The following FARSB variants were observed in gnomAD, a reference collection of about 807,000 sequenced individuals.
FARSB encodes phenylalanine--tRNA ligase beta subunit.
Under a neutral mutation model 69.6 loss-of-function variants are expected in FARSB, and 40 were observed. The ratio of observed to expected loss-of-function variants is 0.57; its 90% CI spans 0.45 to 0.75. The LOEUF (loss-of-function observed/expected upper bound fraction) is 0.75, where lower values mean the gene tolerates loss of function less well. Among genes scored for constraint, FARSB ranks in the 30% least tolerant of loss-of-function variants. The pLI, the probability that FARSB is intolerant of heterozygous loss-of-function variation, is 0.00. For missense variants in FARSB, 632 were observed against 722.9 expected, an observed-to-expected ratio of 0.87 and a Z score of 1.44; for synonymous variants, 235 against 247.2, an observed-to-expected ratio of 0.95 and a Z score of 0.46.
At chr2:222,649,244 A>T (rs1691961683) in intron 1 of FARSB, among the ~76,000 whole-genome samples, 1 of 149,850 alleles carries the variant, frequency 6.7e-6, no homozygotes, top group African/African-American at 2.5e-5. Context: ...TAAAAAAAAA[A>T]AAAAAAAAAA....
At chr2:222,584,611 C>T (rs950447722) in intron 16 of FARSB, among the ~76,000 whole-genome samples, 6 of 152,310 alleles carry the variant, frequency 3.9e-5, no homozygotes, top group South Asian at 2.1e-4. Flanking sequence ...CCGTGACAGA[C>T]GGTACCTGGA....
chr2:222,624,630 T>C (rs1691220895), intron 11 of FARSB, 84 bp downstream of exon 11: 1 of 991,580 alleles, frequency 1.0e-6, no homozygotes, highest in Admixed American at 2.2e-5. Context: ...TTATCATTCC[T>C]TAACAGACTC....
chr2:222,597,753 ACTC>A (rs1690457132), intron 16 of FARSB, among the ~76,000 whole-genome samples: 1 of 151,678 alleles, frequency 6.6e-6, no homozygotes, highest in Non-Finnish European at 1.5e-5. Flanking sequence ...CCTCATTATC[ACTC>A]CTCTACAATG....
At chr2:222,578,246 G>A (rs1420739136) in intron 16 of FARSB, among the ~76,000 whole-genome samples, 1 of 152,110 alleles carries the variant, frequency 6.6e-6, no homozygotes, top group African/African-American at 2.4e-5. Context: ...CCAACAAATG[G>A]TTCTTTACCC....
chr2:222,608,660 T>A (rs1255878789), intron 15 of FARSB, among the ~76,000 whole-genome samples: 1 of 152,170 alleles, frequency 6.6e-6, no homozygotes, highest in Non-Finnish European at 1.5e-5. Context: ...AAGAAGTAGA[T>A]CATTCGCTCA....
intron 15 of FARSB, among the ~76,000 whole-genome samples, chr2:222,610,675 T>C (rs1008767712): frequency 4.6e-5 from 7 of 152,160 alleles, no homozygotes; most frequent in African/African-American, 1.7e-4. Context: ...GATGCTAAAT[T>C]ATCTGAGCTT....
chr2:222,610,625 G>A (rs1406648726), intron 15 of FARSB, among the ~76,000 whole-genome samples: 1 of 152,162 alleles, frequency 6.6e-6, no homozygotes, highest in Non-Finnish European at 1.5e-5. Flanking sequence ...GGACAGCTAA[G>A]GCTTTCAAGT....
At position 222,570,540 on chromosome 2, in the gene FARSB, T is replaced by G. The variant is rs1689699294; in HGVS notation, c.*1331A>C. On this transcript the variant is annotated 3_prime_UTR_variant, in exon 17 of 17. Transcript: ENST00000281828. ...TTAGCTACTTCTTCTTTTTTTTTTTTGTAGACAGAATCTCACTCTGTCACC... is the reference window on the plus strand; with the variant it reads ...TTAGCTACTTCTTCTTTTTTTTTTTGGTAGACAGAATCTCACTCTGTCACC... 1 of 152,010 alleles carries G rather than the reference T, an allele frequency of 6.6e-6. No individual in the cohort carries two copies. Among genetic ancestry groups the G allele is most frequent in the African/African-American group, 2.4e-5 (1 of 41,378 alleles). The allele number at this position is 152,010 out of a possible 1,614,324, so 9.4% of individuals were successfully genotyped here.
chr2:222,637,265 G>A (rs963794608), intron 5 of FARSB, among the ~76,000 whole-genome samples: 2 of 152,172 alleles, frequency 1.3e-5, no homozygotes, highest in African/African-American at 4.8e-5. Flanking sequence ...AACAAGTGAG[G>A]TGAGCCCTGA....
intron 13 of FARSB, among the ~76,000 whole-genome samples, chr2:222,623,063 GAA>G (rs112115394): frequency 0.036 from 5,483 of 152,192 alleles, 313 homozygotes; most frequent in African/African-American, 0.12. Context: ...AGGCACCACA[GAA>G]ATGCTCAGCA....
intron 2 of FARSB, among the ~76,000 whole-genome samples, chr2:222,647,402 G>A (rs1691896164): frequency 6.6e-6 from 1 of 152,156 alleles, no homozygotes; most frequent in South Asian, 2.1e-4. Flanking sequence ...GACCCACTAT[G>A]CAGTGGATTC....
chr2:222,652,390 C>A (rs183194624), intron 1 of FARSB, among the ~76,000 whole-genome samples: 72 of 152,216 alleles, frequency 4.7e-4, no homozygotes, highest in Non-Finnish European at 8.2e-4. Context: ...GTATTCACAC[C>A]CTTGTACTGT....
In FARSB at chr2:222,656,041, G is replaced by T; in HGVS notation, c.33C>A (p.Leu11=). The T allele has an allele frequency of 6.3e-7, 1 of 1,597,706 alleles. No homozygotes were observed. The highest frequency in any genetic ancestry group is 2.3e-5 in the East Asian group (1 of 43,818). MPTVSVKRDL[L]FQALGRTYTD... is the part of the protein sequence containing the mutation. ...TGTAGGTGCGGCCCAGGGCTTGGAA[G>T]AGCAGATCACGCTTCACGCTGACAG... is the stretch of plus-strand genomic sequence containing the variant. Residue 11 remains leucine, a synonymous_variant, in exon 1 of 17, where the codon CTC becomes CTA. Coordinates refer to ENST00000281828, the MANE Select transcript of FARSB (RefSeq NM_005687.5).
rs1443189448 is a variant in FARSB at position 222,643,009 on chromosome 2, A to G, written c.115-4T>C. The G allele has an allele frequency of 4.5e-6, 7 of 1,543,894 alleles. No individual in the cohort carries two copies. Among genetic ancestry groups the G allele is most frequent in the African/African-American group, 1.4e-5 (1 of 71,990 alleles). On this transcript the variant is annotated splice_region_variant and splice_polypyrimidine_tract_variant and intron_variant, in intron 2 of 16. Transcript: ENST00000281828. ...TTATTATTTCCTTCTCAGATGTCTA[A>G]AACAAGCCAAAAAGTAATGATAAAA...
Position 222,648,776 on chromosome 2 carries a change from T to A in FARSB, c.78A>T (p.Glu26Asp), listed in dbSNP as rs147949654. The part of the protein sequence containing the change: ...GRTYTDEEFD[E>D]LCFEFGLELD... The stretch of plus-strand genomic sequence containing the variant: ...GCTCCAGACCAAATTCAAAACATAG[T>A]TCATCAAATTCTTCGTCAGCTAGGA... The change falls in exon 2 of 17, where the codon GAA becomes GAT. Residue 26 changes from glutamate to aspartate, a missense_variant. Coordinates refer to ENST00000281828, the MANE Select transcript of FARSB (RefSeq NM_005687.5). The A allele has an allele frequency of 1.1e-5, 18 of 1,602,810 alleles. No individual in the cohort carries two copies. In the African/African-American group the frequency reaches 2.0e-4, roughly 18 times the overall value.
chr2:222,640,948 A>G lies in FARSB; in HGVS notation c.270-17T>C. 1 of 1,243,030 alleles carries G rather than the reference A, an allele frequency of 8.0e-7. No homozygotes were observed. The highest frequency in any genetic ancestry group is 1.3e-5 in the South Asian group (1 of 75,370). The allele number at this position is 1,243,030 out of a possible 1,614,324, so 77.0% of individuals were successfully genotyped here. A position where few individuals can be genotyped will look rare whatever the true frequency, so the allele number is the denominator to read the frequency against. On this transcript the variant is annotated splice_polypyrimidine_tract_variant and intron_variant, in intron 3 of 16. Coordinates refer to ENST00000281828, the MANE Select transcript of FARSB (RefSeq NM_005687.5). ...GCCTTTATCCTAAAATAATATTTAA[A>G]TGAATTTACTCATAATTAATCAAGA...
At chr2:222,630,497 T>C (rs1691391878) in intron 8 of FARSB, among the ~76,000 whole-genome samples, 1 of 152,202 alleles carries the variant, frequency 6.6e-6, no homozygotes, top group African/African-American at 2.4e-5. Context: ...CCTAAGTCTC[T>C]GAGGCCAGGC....
At chr2:222,653,177 G>A (rs769897442) in intron 1 of FARSB, among the ~76,000 whole-genome samples, 2 of 152,188 alleles carry the variant, frequency 1.3e-5, no homozygotes, top group African/African-American at 4.8e-5. Context: ...CAGAAAGTCC[G>A]TTGAAAAGGT....
intron 14 of FARSB, among the ~76,000 whole-genome samples, chr2:222,615,041 G>C (rs572336323): frequency 2.4e-4 from 36 of 152,088 alleles, no homozygotes; most frequent in Non-Finnish European, 4.6e-4. Context: ...GTGAAAGAAA[G>C]CATGTACAGT....
Sources: allele counts gnomAD v4.1 joint callset (sites outside exome capture counted in the v4.1 genomes callset), GRCh38; gene constraint gnomAD v4.1.1; transcripts MANE v1.5; gene names NCBI Gene and HGNC (gene_info 2026-07-23, HGNC 2026-07-21).